RTN4: variants seen among roughly 807,000 people sequenced by gnomAD.
RTN4 encodes the protein reticulon-4.
A neutral mutation model predicts 90.4 loss-of-function variants in RTN4; 32 were observed. That is an observed-to-expected ratio of 0.35 (90% CI 0.27 to 0.48). The LOEUF is 0.48. RTN4 is among the 20% of genes least tolerant of loss of function. The pLI is 0.99. For synonymous variants in RTN4, 629 were observed against 552.5 expected, an observed-to-expected ratio of 1.14 and a Z score of -1.94; for missense variants, 1,706 against 1,430.2, an observed-to-expected ratio of 1.19 and a Z score of -3.11.
chr2:55,133,667 C>G, the RTN4 span, among the ~76,000 whole-genome samples: 1 of 152,138 alleles, frequency 6.6e-6, no homozygotes, highest in African/African-American at 2.4e-5. Context: ...TAGTTAGGGA[C>G]CCTGAGCTGG....
intron 3 of RTN4, among the ~76,000 whole-genome samples, chr2:55,019,057 T>A (rs1389781615): frequency 6.6e-6 from 1 of 152,146 alleles, no homozygotes; most frequent in Non-Finnish European, 1.5e-5. Flanking sequence ...TGCATGTCCC[T>A]GAGCCTACCT....
the RTN4 span, among the ~76,000 whole-genome samples, chr2:55,118,130 G>A: frequency 6.6e-6 from 1 of 152,062 alleles, no homozygotes; most frequent in African/African-American, 2.4e-5. Context: ...ACTTTGGATA[G>A]CACCGATCTA....
intron 5 of RTN4, among the ~76,000 whole-genome samples, chr2:54,982,099 G>A (rs143753052): frequency 0.022 from 3,269 of 152,014 alleles, 66 homozygotes; most frequent in South Asian, 0.034. Flanking sequence ...TGGGATTACA[G>A]GCATGCACCA....
intron 1 of RTN4, among the ~76,000 whole-genome samples, chr2:55,039,426 C>T (rs1443949047): frequency 6.6e-6 from 1 of 152,024 alleles, no homozygotes; most frequent in Non-Finnish European, 1.5e-5. Flanking sequence ...GGACCTTACT[C>T]GAATTCTGAT....
intron 1 of RTN4, among the ~76,000 whole-genome samples, chr2:55,101,689 C>A (rs1180222352): frequency 6.6e-6 from 1 of 152,060 alleles, no homozygotes; most frequent in Non-Finnish European, 1.5e-5. Context: ...AAAGATCAAC[C>A]CAATTTCTGT....
chr2:55,028,972 C>T (rs1292977893), intron 1 of RTN4, among the ~76,000 whole-genome samples: 3 of 152,154 alleles, frequency 2.0e-5, no homozygotes, highest in Admixed American at 6.5e-5. Context: ...ATATTTCCTA[C>T]AAAACTCATG....
chr2:55,010,689 G>T (rs1680569063), intron 3 of RTN4, among the ~76,000 whole-genome samples: 1 of 152,204 alleles, frequency 6.6e-6, no homozygotes, highest in East Asian at 1.9e-4. Context: ...TTGCTCCTAA[G>T]TTCATTAAGA....
At chr2:54,997,149 T>C (rs866628526) in intron 3 of RTN4, among the ~76,000 whole-genome samples, 47 of 152,150 alleles carry the variant, frequency 3.1e-4, no homozygotes, top group African/African-American at 8.7e-4. Context: ...TCAGAATATA[T>C]TGAAAAACTT....
the RTN4 span, among the ~76,000 whole-genome samples, chr2:55,126,241 T>C: frequency 1.3e-5 from 2 of 151,974 alleles, no homozygotes; most frequent in African/African-American, 4.8e-5. Context: ...TGGTGGCGCA[T>C]GCCTGTAATC....
intron 1 of RTN4, among the ~76,000 whole-genome samples, chr2:55,087,909 T>A (rs1037986542): frequency 1.3e-5 from 2 of 152,222 alleles, no homozygotes; most frequent in Non-Finnish European, 2.9e-5. Flanking sequence ...CTTTCTTAAA[T>A]AAGTTTTCCA....
chr2:55,113,573 A>G (rs1164148419), upstream of RTN4, among the ~76,000 whole-genome samples: 1 of 152,164 alleles, frequency 6.6e-6, no homozygotes, highest in South Asian at 2.1e-4. Context: ...TCAATTGAAC[A>G]ATATTATGGA....
At position 55,050,030 on chromosome 2, in the gene RTN4, G is replaced by T; in HGVS notation, c.271C>A (p.Arg91=). Reference sequence around the variant, plus strand: ...GGGGGAGCGGCCGGCAGGGGTCCCCGGGGCGCCGGCGGCACGAAGTCATTT... The same window carrying T: ...GGGGGAGCGGCCGGCAGGGGTCCCCTGGGCGCCGGCGGCACGAAGTCATTT... ...FGNDFVPPAP[R]GPLPAAPPVA... is the part of the protein sequence containing the mutation. Residue 91 remains arginine (R), a synonymous_variant, in exon 1 of 9, where the codon CGG becomes AGG. Coordinates refer to ENST00000337526, the MANE Select transcript of RTN4 (RefSeq NM_020532.5). This position sits in a 1 kb window ranked among gnomAD's most constrained non-coding sequence, Gnocchi z 4.6. 1 of 1,396,750 alleles carries T rather than the reference G, an allele frequency of 7.2e-7. No homozygotes were observed. The highest frequency in any genetic ancestry group is 1.5e-5 in the African/African-American group (1 of 66,794). 86.5% of individuals were successfully genotyped at this position (1,396,750 alleles called of 1,614,324 possible). A position where few individuals can be genotyped will look rare whatever the true frequency, so the allele number is the denominator to read the frequency against.
rs796664281 is a variant in RTN4, at chr2:55,071,087, C to CT, written c.-63+9401dup. Among the ~76,000 whole-genome samples the CT allele has an allele frequency of 2.2e-3, 303 of 139,360 alleles. 1 individual carries two copies. The highest frequency in any genetic ancestry group is 4.1e-3 in the African/African-American group (158 of 38,090). The allele number at this position is 139,360 out of a possible 152,430, so 91.4% of individuals were successfully genotyped here. ...CACCTCGCCCTGCCTTTTTTTTCTT[C>CT]TTTTTTTTTTTTTAATGGAACTTTG... On this transcript the variant is annotated intron_variant, in intron 2 of 3. Coordinates refer to the RTN4 transcript ENST00000427710.
At chr2:54,998,153 A>G (rs1242881676) in intron 3 of RTN4, among the ~76,000 whole-genome samples, 1 of 151,298 alleles carries the variant, frequency 6.6e-6, no homozygotes, top group Non-Finnish European at 1.5e-5. Context: ...AATTCTGTAG[A>G]GACAGAAAGT....
upstream of RTN4, chr2:55,050,846 A>AAAG (rs535634851): frequency 2.2e-4 from 33 of 151,536 alleles, no homozygotes; most frequent in African/African-American, 7.3e-4. The surrounding 1 kb of genome is among the most constrained non-coding windows in gnomAD (Gnocchi z 4.6). Flanking sequence ...GAGCACTGGG[A>AAAG]AAGGGGGCGG....
intron 3 of RTN4, chr2:55,009,942 T>G: frequency 7.2e-6 from 6 of 834,592 alleles, no homozygotes; most frequent in Non-Finnish European, 1.1e-5. Flanking sequence ...TAAAAACACG[T>G]GAGATAGCCG....
intron 3 of RTN4, among the ~76,000 whole-genome samples, chr2:55,005,605 C>G (rs1313919729): frequency 1.3e-5 from 2 of 152,092 alleles, no homozygotes; most frequent in South Asian, 4.1e-4. Context: ...GAAATAATCA[C>G]AAATAGAAAC....
At chr2:55,013,572 A>G (rs1391185830) in intron 3 of RTN4, among the ~76,000 whole-genome samples, 1 of 117,322 alleles carries the variant, frequency 8.5e-6, no homozygotes, top group Non-Finnish European at 1.6e-5. Flanking sequence ...TTATGACCTC[A>G]GAAACTGTGT....
intron 4 of RTN4, among the ~76,000 whole-genome samples, chr2:54,983,973 C>A (rs927938028): frequency 3.9e-5 from 6 of 152,224 alleles, no homozygotes; most frequent in Admixed American, 6.5e-5. Context: ...ATCTTTCCAA[C>A]CTTACTTCCA....
Sources: allele counts gnomAD v4.1 joint callset (sites outside exome capture counted in the v4.1 genomes callset), GRCh38; gene constraint gnomAD v4.1.1; non-coding constraint Gnocchi (gnomAD v3.1); transcripts MANE v1.5; gene names NCBI Gene and HGNC (gene_info 2026-07-23, HGNC 2026-07-21).